Variants in SHANK2 observed in about 807,000 individuals in gnomAD.
SHANK2 encodes SH3 and multiple ankyrin repeat domains 2, also known as SH3 and multiple ankyrin repeat domains protein 2.
In SHANK2, 43 loss-of-function variants were observed where a neutral mutation model predicts 133.7. The ratio of observed to expected loss-of-function variants is 0.32; its 90% CI spans 0.25 to 0.41. The LOEUF (loss-of-function observed/expected upper bound fraction) is 0.41. Ranked by LOEUF, SHANK2 falls within the 10% of genes least tolerant of loss-of-function variation. SHANK2 has a pLI of 1.00. For missense variants in SHANK2, 1,994 were observed against 2,235.8 expected (o/e 0.89, Z 2.18); for synonymous variants, 1,017 against 952.8 (o/e 1.07, Z -1.24).
chr11:70,768,536 G>A (rs1219166859), intron 14 of SHANK2, among the ~76,000 whole-genome samples: 2 of 152,196 alleles, frequency 1.3e-5, no homozygotes, highest in African/African-American at 4.8e-5. Context: ...AGAGAGCTGG[G>A]TGCCTGCAGG....
intron 2 of SHANK2, among the ~76,000 whole-genome samples, chr11:71,150,726 A>G (rs1555107900): frequency 6.6e-6 from 1 of 151,852 alleles, no homozygotes; most frequent in South Asian, 2.1e-4. Flanking sequence ...GTGTCCAACC[A>G]CCTAACACAA....
intron 10 of SHANK2, among the ~76,000 whole-genome samples, chr11:70,928,322 A>G (rs1950457058): frequency 6.6e-6 from 1 of 152,210 alleles, no homozygotes; most frequent in African/African-American, 2.4e-5. Flanking sequence ...ACTGGAAGGC[A>G]GAGATCTGAG....
At chr11:70,864,356 C>T (rs1406414789) in intron 11 of SHANK2, 2 of 158,826 alleles carry the variant, frequency 1.3e-5, no homozygotes, top group Non-Finnish European at 2.8e-5. Context: ...AAAAATCCAG[C>T]TTCGGACAGG....
intron 2 of SHANK2, among the ~76,000 whole-genome samples, chr11:71,162,515 T>A (rs2135468423): frequency 6.6e-6 from 1 of 152,276 alleles, no homozygotes; most frequent in East Asian, 1.9e-4. Flanking sequence ...AACAGGAAAC[T>A]AAGTAAATGA....
intron 17 of SHANK2, among the ~76,000 whole-genome samples, chr11:70,562,182 C>A (rs1340608392): frequency 3.3e-5 from 5 of 152,124 alleles, no homozygotes; most frequent in Non-Finnish European, 7.3e-5. Context: ...TTGAATAGTT[C>A]CAAATTTATT....
intron 17 of SHANK2, among the ~76,000 whole-genome samples, chr11:70,586,949 C>T (rs986148869): frequency 1.3e-5 from 2 of 152,172 alleles, no homozygotes; most frequent in East Asian, 1.9e-4. Flanking sequence ...CTCCCAGAGA[C>T]GACCTCAAAC....
intron 17 of SHANK2, among the ~76,000 whole-genome samples, chr11:70,626,298 G>A (rs1168320507): frequency 1.3e-5 from 2 of 152,136 alleles, no homozygotes; most frequent in Non-Finnish European, 2.9e-5. Context: ...CTATATTTAG[G>A]AACGGTTATG....
chr11:70,793,922 A>G (rs1051833849), intron 14 of SHANK2, among the ~76,000 whole-genome samples: 3 of 152,244 alleles, frequency 2.0e-5, no homozygotes, highest in African/African-American at 7.2e-5. Context: ...CCACATGTCC[A>G]TCATCAGGAG....
At chr11:71,190,858 C>T (rs1383182489) in intron 2 of SHANK2, among the ~76,000 whole-genome samples, 3 of 152,264 alleles carry the variant, frequency 2.0e-5, no homozygotes, top group African/African-American at 7.2e-5. Flanking sequence ...CCAGCCCCTG[C>T]GGTGCTGGAG....
At chr11:70,561,026 C>T (rs986405235) in intron 17 of SHANK2, among the ~76,000 whole-genome samples, 3 of 152,218 alleles carry the variant, frequency 2.0e-5, no homozygotes, top group African/African-American at 2.4e-5. Context: ...CACACACACA[C>T]GAAGAACGGG....
At chr11:70,720,096 C>T (rs949474891) in intron 14 of SHANK2, among the ~76,000 whole-genome samples, 1 of 152,186 alleles carries the variant, frequency 6.6e-6, no homozygotes, top group Non-Finnish European at 1.5e-5. Flanking sequence ...AGAGCCAGAA[C>T]CATCGGACCG....
intron 15 of SHANK2, among the ~76,000 whole-genome samples, chr11:70,695,789 G>A (rs1489227537): frequency 2.0e-5 from 3 of 152,224 alleles, no homozygotes; most frequent in African/African-American, 4.8e-5. Context: ...GGTGGCGCAC[G>A]GGAGGAGTGG....
At chr11:71,237,352 T>C (rs1954837469) in intron 1 of SHANK2, among the ~76,000 whole-genome samples, 1 of 152,014 alleles carries the variant, frequency 6.6e-6, no homozygotes, top group Admixed American at 6.5e-5. Flanking sequence ...AAAGTTTTTA[T>C]TGGAACACAG....
chr11:70,720,453 G>A (rs1230616679), intron 14 of SHANK2, among the ~76,000 whole-genome samples: 14 of 152,178 alleles, frequency 9.2e-5, no homozygotes, highest in Admixed American at 7.8e-4. Context: ...TGACTCCTTC[G>A]TTGGTGAAAA....
chr11:70,533,488 C>T (rs2059504443), intron 17 of SHANK2, among the ~76,000 whole-genome samples: 1 of 152,136 alleles, frequency 6.6e-6, no homozygotes, highest in South Asian at 2.1e-4. Flanking sequence ...CTGAGAATGT[C>T]CAACCTAGCT....
chr11:71,193,048 AAG>A (rs1227662972), intron 2 of SHANK2, among the ~76,000 whole-genome samples: 1 of 152,228 alleles, frequency 6.6e-6, no homozygotes, highest in Non-Finnish European at 1.5e-5. Context: ...GTATTAGAAA[AAG>A]AGAGAAATAA....
intron 17 of SHANK2, among the ~76,000 whole-genome samples, chr11:70,646,829 T>TTTTATTTA (rs201368975): frequency 1.9e-3 from 158 of 81,962 alleles, no homozygotes; most frequent in East Asian, 2.9e-3. Context: ...CTTTTATTTA[T>TTTTATTTA]TTTATTTATT....
intron 14 of SHANK2, among the ~76,000 whole-genome samples, chr11:70,759,543 C>T (rs983766602): frequency 5.3e-5 from 8 of 152,152 alleles, no homozygotes; most frequent in East Asian, 1.9e-4. Flanking sequence ...AGGTTGGGCA[C>T]GTCTTGTTAT....
chr11:70,852,454 C>T (rs1555065832), intron 11 of SHANK2, among the ~76,000 whole-genome samples: 1 of 152,064 alleles, frequency 6.6e-6, no homozygotes, highest in African/African-American at 2.4e-5. Flanking sequence ...AGGGGAAGGG[C>T]AGGAAGAACG....
Sources: gnomAD v4.1 joint callset for allele counts (sites outside exome capture counted in the v4.1 genomes callset) on GRCh38, gnomAD v4.1.1 for gene constraint, MANE v1.5 for transcripts, NCBI Gene and HGNC (gene_info 2026-07-23, HGNC 2026-07-21) for gene names.